SDK1: variants seen among roughly 807,000 people sequenced by gnomAD.
SDK1 encodes sidekick cell adhesion molecule 1.
Under a neutral mutation model 245.5 loss-of-function variants are expected in SDK1, and 157 were observed. That is an observed-to-expected ratio of 0.64 (90% CI 0.56 to 0.73). The LOEUF is 0.73. SDK1 is among the 30% of genes least tolerant of loss of function. The probability of loss-of-function intolerance (pLI) is 0.00; values close to 1 mark genes in which losing one functional copy is unlikely to be tolerated. For missense variants in SDK1, 3,583 were observed against 3,002.3 expected (o/e 1.19, Z -4.52); for synonymous variants, 1,647 against 1,278.5 (o/e 1.29, Z -6.15).
chr7:3,432,119 A>AT (rs1272501418), intron 1 of SDK1, among the ~76,000 whole-genome samples: 8 of 97,452 alleles, frequency 8.2e-5, no homozygotes, highest in Admixed American at 5.7e-4. Flanking sequence ...CAGTAAAAAA[A>AT]AAAAAATATA....
At chr7:3,798,110 T>C (rs1011588040) in intron 4 of SDK1, among the ~76,000 whole-genome samples, 2 of 152,030 alleles carry the variant, frequency 1.3e-5, no homozygotes, top group African/African-American at 4.8e-5. Context: ...GATTATCTTT[T>C]CCTGTTCTGG....
At chr7:3,418,363 T>C (rs1330437520) in intron 1 of SDK1, among the ~76,000 whole-genome samples, 2 of 152,006 alleles carry the variant, frequency 1.3e-5, no homozygotes, top group African/African-American at 4.8e-5. Flanking sequence ...CTTTTCTCAA[T>C]GGGTAGTGAA....
chr7:3,775,457 T>G (rs1030780605), intron 4 of SDK1, among the ~76,000 whole-genome samples: 7 of 152,010 alleles, frequency 4.6e-5, no homozygotes, highest in Non-Finnish European at 7.4e-5. Flanking sequence ...TTGAAGGCTG[T>G]TTCCCAGACC....
At chr7:3,731,270 T>C (rs758217010) in intron 4 of SDK1, among the ~76,000 whole-genome samples, 5 of 152,108 alleles carry the variant, frequency 3.3e-5, no homozygotes, top group Non-Finnish European at 7.4e-5. Flanking sequence ...TTCCTGGCAG[T>C]GGGTCCAGGA....
chr7:3,362,030 A>G (rs1356533711), intron 1 of SDK1, among the ~76,000 whole-genome samples: 1 of 152,212 alleles, frequency 6.6e-6, no homozygotes, highest in African/African-American at 2.4e-5. Context: ...TTTAAAGTTT[A>G]TTATTGCGAT....
intron 28 of SDK1, among the ~76,000 whole-genome samples, chr7:4,142,514 A>T (rs1343660616): frequency 6.6e-6 from 1 of 152,044 alleles, no homozygotes; most frequent in African/African-American, 2.4e-5. Flanking sequence ...TTTTTAGTAG[A>T]GACAGGGTTT....
rs191976047 is a variant in SDK1, at chr7:3,958,550, G to A, written c.1151-381G>A. Among the ~76,000 whole-genome samples, 258 of 152,232 alleles carry A rather than the reference G, an allele frequency of 1.7e-3. 1 individual carries two copies. Among genetic ancestry groups the A allele is most frequent in the African/African-American group, 5.9e-3 (247 of 41,522 alleles). On this transcript the variant is annotated intron_variant, in intron 7 of 44. Transcript: ENST00000404826. ...CCAATACAGGCTGCACACCTTCCTCGGGCACTTGACAAGCTTCACGAGCTC... is the reference window on the plus strand; with the variant it reads ...CCAATACAGGCTGCACACCTTCCTCAGGCACTTGACAAGCTTCACGAGCTC...
intron 5 of SDK1, among the ~76,000 whole-genome samples, chr7:3,863,617 A>G (rs2115121452): frequency 6.6e-6 from 1 of 152,188 alleles, no homozygotes; most frequent in South Asian, 2.1e-4. Flanking sequence ...CTCTCTCTAT[A>G]ACTTTTGTTC....
chr7:3,919,914 T>C (rs947783948), intron 5 of SDK1, among the ~76,000 whole-genome samples: 5 of 152,070 alleles, frequency 3.3e-5, no homozygotes, highest in African/African-American at 4.8e-5. Context: ...ATGTGACCAG[T>C]GGCACTGGCC....
intron 1 of SDK1, among the ~76,000 whole-genome samples, chr7:3,541,960 A>G (rs922194924): frequency 6.6e-6 from 1 of 152,260 alleles, no homozygotes; most frequent in Non-Finnish European, 1.5e-5. Context: ...AACTAATTAT[A>G]AAACTTGTGG....
chr7:3,488,223 T>G (rs1029288818), intron 1 of SDK1, among the ~76,000 whole-genome samples: 1 of 152,138 alleles, frequency 6.6e-6, no homozygotes, highest in Non-Finnish European at 1.5e-5. Flanking sequence ...CCTCCCCAAT[T>G]TTATGCTGTG....
intron 4 of SDK1, among the ~76,000 whole-genome samples, chr7:3,657,480 G>C (rs1051387076): frequency 8.5e-5 from 13 of 152,144 alleles, no homozygotes; most frequent in African/African-American, 2.9e-4. Flanking sequence ...AGTGTGTGGA[G>C]GCAGGGTGGT....
At chr7:3,638,361 A>G (rs1156327955) in intron 2 of SDK1, among the ~76,000 whole-genome samples, 3 of 152,140 alleles carry the variant, frequency 2.0e-5, no homozygotes, top group Admixed American at 6.5e-5. Context: ...ACTATTCACA[A>G]TAGCAAAGAC....
chr7:3,604,800 C>A (rs549441044), intron 1 of SDK1, among the ~76,000 whole-genome samples: 1 of 151,702 alleles, frequency 6.6e-6, no homozygotes, highest in Non-Finnish European at 1.5e-5. Flanking sequence ...CAGGGTTTCT[C>A]CATGTTGGTC....
chr7:3,427,284 C>T (rs147870652), intron 1 of SDK1, among the ~76,000 whole-genome samples: 1 of 152,068 alleles, frequency 6.6e-6, no homozygotes, highest in Admixed American at 6.6e-5. Flanking sequence ...TTTGGGAGGC[C>T]GAGACAGACG....
At chr7:4,000,635 C>G (rs1298226028) in intron 14 of SDK1, among the ~76,000 whole-genome samples, 1 of 152,158 alleles carries the variant, frequency 6.6e-6, no homozygotes, top group African/African-American at 2.4e-5. Flanking sequence ...ATCTCCATCC[C>G]CTGTTGCTAT....
At chr7:3,937,468 C>T (rs748836222) in intron 5 of SDK1, among the ~76,000 whole-genome samples, 2 of 152,210 alleles carry the variant, frequency 1.3e-5, no homozygotes, top group African/African-American at 4.8e-5. Context: ...GTGTCCTCAC[C>T]GCTCTTCTTA....
chr7:3,827,171 TG>T (rs768911895), intron 5 of SDK1, among the ~76,000 whole-genome samples: 1 of 110,046 alleles, frequency 9.1e-6, no homozygotes, highest in Admixed American at 9.7e-5. Context: ...TGAACACATA[TG>T]GGGGAAGCTC....
chr7:3,723,849 CATATACATATACACGTGT>C, intron 4 of SDK1, among the ~76,000 whole-genome samples: 1 of 138,956 alleles, frequency 7.2e-6, no homozygotes, highest in Non-Finnish European at 1.6e-5. Context: ...TATACACGTA[CATATACATATACACGTGT>C]ATATACACGT....
Sources: gnomAD v4.1 joint callset for allele counts (sites outside exome capture counted in the v4.1 genomes callset) on GRCh38, gnomAD v4.1.1 for gene constraint, MANE v1.5 for transcripts, NCBI Gene and HGNC (gene_info 2026-07-23, HGNC 2026-07-21) for gene names.